FER: variants seen among roughly 807,000 people sequenced by gnomAD.
FER encodes FER tyrosine kinase, also known as tyrosine-protein kinase Fer.
In FER, 63 loss-of-function variants were observed where a neutral mutation model predicts 111.0. The observed-to-expected ratio is 0.57, with a 90% CI of 0.46 to 0.70. The LOEUF (loss-of-function observed/expected upper bound fraction) is 0.70. FER is among the 30% of genes least tolerant of loss of function. The probability of loss-of-function intolerance (pLI) is 0.00; values close to 1 mark genes in which losing one functional copy is unlikely to be tolerated. For missense variants in FER, 914 were observed against 954.0 expected (o/e 0.96, Z 0.55); for synonymous variants, 327 against 313.9 (o/e 1.04, Z -0.44).
intron 19 of FER, among the ~76,000 whole-genome samples, chr5:109,186,958 CT>C (rs1250050254): frequency 6.6e-5 from 10 of 152,370 alleles, no homozygotes; most frequent in African/African-American, 2.4e-4. Flanking sequence ...ACCCAATGCA[CT>C]GCTGAAACAC....
intron 10 of FER, among the ~76,000 whole-genome samples, chr5:108,913,383 G>T (rs576109207): frequency 3.5e-4 from 53 of 152,206 alleles, no homozygotes; most frequent in African/African-American, 1.1e-3. Context: ...ATGTATAGGG[G>T]TAAATTAGTC....
chr5:109,111,533 T>TAA (rs3064688), intron 17 of FER, among the ~76,000 whole-genome samples: 28,987 of 151,968 alleles, frequency 0.19, 2,914 homozygotes, highest in Non-Finnish European at 0.22. Context: ...AACCTTATAA[T>TAA]AAAAAATTCT....
intron 13 of FER, among the ~76,000 whole-genome samples, chr5:109,025,435 G>T (rs893271342): frequency 2.6e-5 from 4 of 152,112 alleles, no homozygotes; most frequent in Non-Finnish European, 4.4e-5. Flanking sequence ...TGTTGTTGGT[G>T]TATAAGAATG....
At chr5:109,149,018 C>T (rs1754535826) in intron 17 of FER, among the ~76,000 whole-genome samples, 1 of 152,018 alleles carries the variant, frequency 6.6e-6, no homozygotes. Context: ...TGTCACATAA[C>T]CTAGTTCAAT....
intron 3 of FER, chr5:108,818,394 T>G (rs769393536): frequency 2.6e-5 from 4 of 152,168 alleles, no homozygotes; most frequent in Non-Finnish European, 4.4e-5. Context: ...GAGCCGTGAT[T>G]GTGCCACTGC....
intron 13 of FER, among the ~76,000 whole-genome samples, chr5:109,013,152 A>C (rs1304836991): frequency 6.6e-6 from 1 of 151,070 alleles, no homozygotes; most frequent in East Asian, 1.9e-4. Context: ...ATATGTATAC[A>C]TGTGCCATGC....
Position 108,997,408 on chromosome 5 carries a change from C to A in FER, c.1656+38061C>A, listed in dbSNP as rs1276339246. On this transcript the variant is annotated intron_variant, in intron 13 of 19. Transcript: ENST00000281092. Reference sequence around the variant, plus strand: ...CTCCAGCCTGGGTGGTGGAGCGAGACCCTGTCTCAAAAAAAAAAAAAAAAA... The same window carrying A: ...CTCCAGCCTGGGTGGTGGAGCGAGAACCTGTCTCAAAAAAAAAAAAAAAAA... Among the ~76,000 whole-genome samples, 8 of 130,274 alleles carry A rather than the reference C, an allele frequency of 6.1e-5. No homozygotes were observed. In the South Asian group the frequency reaches 2.0e-3, roughly 33 times the overall value. 85.5% of individuals were successfully genotyped at this position (130,274 alleles called of 152,430 possible).
chr5:109,043,565 T>G (rs1771493262), intron 14 of FER, among the ~76,000 whole-genome samples: 1 of 152,190 alleles, frequency 6.6e-6, no homozygotes, highest in Admixed American at 6.5e-5. Flanking sequence ...TTTTAACTTG[T>G]GAACTTCAAA....
intron 16 of FER, among the ~76,000 whole-genome samples, chr5:109,049,944 C>G (rs567603614): frequency 1.1e-4 from 16 of 152,280 alleles, no homozygotes; most frequent in South Asian, 2.1e-4. Flanking sequence ...GCTGGTCACT[C>G]CAAAAGACTG....
chr5:108,761,787 A>G (rs1372935086), intron 1 of FER, among the ~76,000 whole-genome samples: 2 of 152,242 alleles, frequency 1.3e-5, no homozygotes, highest in African/African-American at 2.4e-5. Context: ...TATTTTGCTT[A>G]TTAAGAATTG....
chr5:108,999,584 G>T (rs1171232873), intron 13 of FER, among the ~76,000 whole-genome samples: 1 of 152,070 alleles, frequency 6.6e-6, no homozygotes, highest in Non-Finnish European at 1.5e-5. Context: ...AGAAGAAAGG[G>T]TCTGCATGTC....
chr5:109,071,373 T>A (rs755490687), intron 16 of FER, among the ~76,000 whole-genome samples: 32 of 152,138 alleles, frequency 2.1e-4, no homozygotes, highest in Middle Eastern at 3.4e-3. Context: ...TGGAAAAATA[T>A]CACACAGGCA....
chr5:108,831,927 G>C (rs1029845626), intron 3 of FER, among the ~76,000 whole-genome samples: 6 of 151,752 alleles, frequency 4.0e-5, no homozygotes, highest in African/African-American at 1.5e-4. Flanking sequence ...TATTGTTTCT[G>C]AATAGAATAT....
At chr5:109,152,863 AG>A (rs1755001087) in intron 17 of FER, among the ~76,000 whole-genome samples, 1 of 151,984 alleles carries the variant, frequency 6.6e-6, no homozygotes, top group South Asian at 2.1e-4. Context: ...TCATTGTAAA[AG>A]AAGCCGTTAA....
chr5:108,904,136 AG>A (rs1752431043), intron 10 of FER, among the ~76,000 whole-genome samples: 1 of 147,470 alleles, frequency 6.8e-6, no homozygotes, highest in African/African-American at 2.7e-5. Flanking sequence ...GTATCATTTT[AG>A]GTTTTGGGGA....
intron 17 of FER, among the ~76,000 whole-genome samples, chr5:109,164,316 C>T (rs1296158398): frequency 6.6e-6 from 1 of 152,056 alleles, no homozygotes; most frequent in Non-Finnish European, 1.5e-5. Flanking sequence ...TTTGAATGAC[C>T]CTGTCTTCCA....
intron 3 of FER, chr5:108,830,523 A>G (rs938809573): frequency 5.9e-5 from 9 of 152,120 alleles, no homozygotes; most frequent in African/African-American, 2.2e-4. Flanking sequence ...TTTAAGGGAG[A>G]CAGTTATATT....
At chr5:109,134,769 C>G (rs1160668222) in intron 17 of FER, among the ~76,000 whole-genome samples, 3 of 152,106 alleles carry the variant, frequency 2.0e-5, no homozygotes, top group African/African-American at 7.2e-5. Flanking sequence ...ATAATTGAAA[C>G]AAGTGCACTC....
chr5:109,033,448 AAGCAAATGCAGAGTTCCAGGCTTCTTC>A (rs1329654599), intron 13 of FER, among the ~76,000 whole-genome samples: 1 of 151,374 alleles, frequency 6.6e-6, no homozygotes, highest in African/African-American at 2.4e-5. Context: ...GTAAAAATAA[AAGCAAATGCAGAGTTCCAGGCTTCTTC>A]AGCAACTCCC....
Sources: allele counts gnomAD v4.1 joint callset (sites outside exome capture counted in the v4.1 genomes callset), GRCh38; gene constraint gnomAD v4.1.1; transcripts MANE v1.5; gene names NCBI Gene and HGNC (gene_info 2026-07-23, HGNC 2026-07-21).